Variants in UBE3A observed in about 807,000 individuals in gnomAD.
The protein encoded by UBE3A is ubiquitin-protein ligase E3A.
A neutral mutation model predicts 83.4 loss-of-function variants in UBE3A; 6 were observed. The observed-to-expected ratio is 0.07, with a 90% CI of 0.04 to 0.14. UBE3A has a LOEUF of 0.14. Ranked by LOEUF, UBE3A falls within the 10% of genes least tolerant of loss-of-function variation. UBE3A has a pLI of 1.00. For synonymous variants in UBE3A, 337 were observed against 355.4 expected (o/e 0.95, Z 0.58); for missense variants, 456 against 1,036.1 (o/e 0.44, Z 7.69).
At position 25,356,003 on chromosome 15, in the gene UBE3A, A is replaced by G. The variant is rs773718237; in HGVS notation, c.2013T>C (p.Asp671=). 1.8e-5 allele frequency: 29 copies of G among 1,613,730 alleles called. No individual in the cohort carries two copies. Among genetic ancestry groups the G allele is most frequent in the Non-Finnish European group, 2.3e-5 (27 of 1,179,872 alleles). Residue 671 remains aspartate, a synonymous_variant, in exon 9 of 13, where the codon GAT becomes GAC. Transcript: ENST00000648336. ...DLLEYEGNVE[D]DMMITFQISQ... is the part of the protein sequence containing the mutation. ...ATATCTGGAAAGTGATCATCATGTC[A>G]TCTTCCACATTCCCTTCATACTCCA...
intron 6 of UBE3A, among the ~76,000 whole-genome samples, chr15:25,369,367 C>A (rs1412438399): frequency 3.9e-4 from 56 of 143,676 alleles, no homozygotes; most frequent in Admixed American, 6.2e-4. Context: ...AAAAAACAAA[C>A]CAGTAACAAA....
chr15:25,428,585 T>C (rs910086057), intron 1 of UBE3A, among the ~76,000 whole-genome samples: 3 of 152,214 alleles, frequency 2.0e-5, no homozygotes, highest in Admixed American at 1.3e-4. Flanking sequence ...TGTTGTACGA[T>C]AGTGTGCCTT....
chr15:25,405,564 C>CTA, intron 3 of UBE3A, 62 bp from the exon 4 acceptor site: 1 of 1,552,318 alleles, frequency 6.4e-7, no homozygotes, highest in Non-Finnish European at 8.9e-7. Context: ...AAAAGGTAGA[C>CTA]ATATTACTTA....
intron 4 of UBE3A, 108 bp downstream of exon 4, chr15:25,405,352 AT>A: frequency 1.5e-6 from 2 of 1,314,218 alleles, no homozygotes; most frequent in Non-Finnish European, 2.2e-6. Flanking sequence ...TTACTGCTAA[AT>A]GATTCCTTTC....
In UBE3A at chr15:25,335,757, T is replaced by C. The variant is rs2073932415; in HGVS notation, c.*3380A>G. On this transcript the variant is annotated 3_prime_UTR_variant, in exon 13 of 13. Transcript: ENST00000648336. ...GAGGTCTGAGCAAAAGATATGGGAT[T>C]GGGGAAGAATCTTTGGGAGTGACTG... 1 of 152,086 alleles carries C rather than the reference T, an allele frequency of 6.6e-6. No individual in the cohort carries two copies. Among genetic ancestry groups the C allele is most frequent in the African/African-American group, 2.4e-5 (1 of 41,388 alleles). The allele number at this position is 152,086 out of a possible 1,614,324, so 9.4% of individuals were successfully genotyped here.
chr15:25,371,991 T>C lies in UBE3A; in HGVS notation c.362-179A>G, dbSNP rs191187248. On this transcript the variant is annotated intron_variant, in intron 5 of 12. Coordinates refer to ENST00000648336, the MANE Select transcript of UBE3A (RefSeq NM_130839.5). The surrounding 1 kb of genome is among the most constrained non-coding windows in gnomAD (Gnocchi z 5.3). ...AAACAAAATTTAATGCTTACCTATT[T>C]TTTTCAATGAACTACCTACCTATAC... Among the ~76,000 whole-genome samples the C allele has an allele frequency of 6.6e-5, 10 of 152,304 alleles. No homozygotes were observed. The highest frequency in any genetic ancestry group is 6.5e-4 in the Admixed American group (10 of 15,308).
At chr15:25,354,164 A>G in intron 11 of UBE3A, 189 bp downstream of exon 11, 1 of 634,380 alleles carries the variant, frequency 1.6e-6, no homozygotes, top group East Asian at 2.7e-5. Flanking sequence ...ACAACACTTC[A>G]TTCATGAAAT....
intron 7 of UBE3A, among the ~76,000 whole-genome samples, chr15:25,359,414 GATGCGTGTGT>G (rs964128427): frequency 1.3e-4 from 16 of 120,164 alleles, no homozygotes; most frequent in Non-Finnish European, 2.4e-4. Context: ...ATAGATAAGG[GATGCGTGTGT>G]GTGTGTGTGT....
At chr15:25,359,418 CGTGTGTGTGTGTGTGTGTGTGTGT>C (rs60677664) in intron 7 of UBE3A, among the ~76,000 whole-genome samples, 8 of 138,924 alleles carry the variant, frequency 5.8e-5, no homozygotes, top group Admixed American at 2.9e-4. Context: ...ATAAGGGATG[CGTGTGTGTGTGTGTGTGTGTGTGT>C]GTGTGTGTGT....
chr15:25,431,168 A>G (rs1311048452), intron 1 of UBE3A, among the ~76,000 whole-genome samples: 1 of 152,164 alleles, frequency 6.6e-6, no homozygotes, highest in African/African-American at 2.4e-5. Context: ...CTTGATTACC[A>G]AACTTTATCC....
intron 6 of UBE3A, among the ~76,000 whole-genome samples, chr15:25,368,687 C>T (rs933323119): frequency 2.0e-5 from 3 of 152,080 alleles, no homozygotes; most frequent in Non-Finnish European, 4.4e-5. Context: ...AATTAAAGAG[C>T]TCACAGTTAA....
chr15:25,339,888 ATTT>A (rs1457384028), intron 12 of UBE3A, 194 bp downstream of exon 12: 1 of 667,194 alleles, frequency 1.5e-6, no homozygotes, highest in East Asian at 2.9e-5. Flanking sequence ...CCCCATAATA[ATTT>A]TTAACTAGGG....
intron 1 of UBE3A, among the ~76,000 whole-genome samples, chr15:25,430,121 A>G (rs1468508311): frequency 5.2e-5 from 4 of 77,348 alleles, no homozygotes; most frequent in Admixed American, 1.8e-4. Context: ...ATACATATAT[A>G]TAAGATTATA....
At chr15:25,405,426 A>T (rs2088266187) in intron 4 of UBE3A, 35 bp downstream of exon 4, 1 of 1,612,406 alleles carries the variant, frequency 6.2e-7, no homozygotes, top group South Asian at 1.1e-5. Flanking sequence ...GGCAACTCAA[A>T]ATAAGAACCA....
intron 1 of UBE3A, chr15:25,413,021 G>C (rs756148540): frequency 2.2e-5 from 10 of 451,784 alleles, no homozygotes; most frequent in South Asian, 3.1e-5. Context: ...ATGACACACA[G>C]ATCTCATTTT....
intron 11 of UBE3A, among the ~76,000 whole-genome samples, chr15:25,350,142 T>C (rs2076277764): frequency 6.6e-6 from 1 of 152,028 alleles, no homozygotes; most frequent in African/African-American, 2.4e-5. Flanking sequence ...ACACCTGTAG[T>C]ACCAGCTACT....
intron 4 of UBE3A, among the ~76,000 whole-genome samples, chr15:25,402,837 T>C (rs1470344474): frequency 1.3e-5 from 2 of 152,186 alleles, no homozygotes; most frequent in African/African-American, 4.8e-5. Flanking sequence ...GTTTCTTAGC[T>C]CTTATATTTT....
At chr15:25,344,137 A>G (rs1382019063) in intron 11 of UBE3A, among the ~76,000 whole-genome samples, 1 of 152,234 alleles carries the variant, frequency 6.6e-6, no homozygotes, top group Non-Finnish European at 1.5e-5. Flanking sequence ...TTACATATGT[A>G]CGGAATAATG....
chr15:25,339,085 T>A lies in UBE3A; in HGVS notation c.*52A>T. 1 of 1,478,486 alleles carries A rather than the reference T, an allele frequency of 6.8e-7. No individual in the cohort carries two copies. Among genetic ancestry groups the A allele is most frequent in the South Asian group, 1.4e-5 (1 of 72,950 alleles). 91.6% of individuals were successfully genotyped at this position (1,478,486 alleles called of 1,614,324 possible). A position where few individuals can be genotyped will look rare whatever the true frequency, so the allele number is the denominator to read the frequency against. The stretch of plus-strand genomic sequence containing the variant: ...GTTATATTTTTAAAATTTTTTAAAT[T>A]TTTTCTTTTTTTTTCCTTCCTTTTT... On this transcript the variant is annotated 3_prime_UTR_variant, in exon 13 of 13. Coordinates refer to ENST00000648336, the MANE Select transcript of UBE3A (RefSeq NM_130839.5).
Sources: allele counts gnomAD v4.1 joint callset (sites outside exome capture counted in the v4.1 genomes callset), GRCh38; gene constraint gnomAD v4.1.1; non-coding constraint Gnocchi (gnomAD v3.1); transcripts MANE v1.5; gene names NCBI Gene and HGNC (gene_info 2026-07-23, HGNC 2026-07-21).